The following CNOT1 variants were observed in gnomAD, a reference collection of about 807,000 sequenced individuals.
CNOT1 encodes CCR4-associated factor 1.
In CNOT1, 15 loss-of-function variants were observed where a neutral mutation model predicts 273.8. The observed-to-expected ratio is 0.05, with a 90% CI of 0.04 to 0.08. CNOT1 has a LOEUF of 0.08. Among genes scored for constraint, CNOT1 ranks in the 10% least tolerant of loss-of-function variants. The pLI, the probability that CNOT1 is intolerant of heterozygous loss-of-function variation, is 1.00. For missense variants in CNOT1, 1,644 were observed against 2,912.2 expected (o/e 0.56, Z 10.02); for synonymous variants, 1,022 against 1,005.5 (o/e 1.02, Z -0.31).
intron 1 of CNOT1, among the ~76,000 whole-genome samples, chr16:58,605,218 T>C (rs2152021296): frequency 6.6e-6 from 1 of 150,682 alleles, no homozygotes; most frequent in East Asian, 2.0e-4. Context: ...TAAAAACACA[T>C]ATTGCTGGGC....
In CNOT1 at chr16:58,526,438, G is replaced by A. The variant is rs118142263; in HGVS notation, c.6454-300C>T. 4.0e-3 allele frequency among the ~76,000 whole-genome samples: 588 copies of A among 145,766 alleles called. 7 individuals are homozygous for A. Among genetic ancestry groups the A allele is most frequent in the East Asian group, 0.012 (59 of 5,046 alleles). ...GACTTCGGTTTCAAAATAATAATCC[G>A]GAATAAGATTCCTCACTCACCAAGA... On this transcript the variant is annotated intron_variant, in intron 44 of 48. Coordinates refer to ENST00000317147, the MANE Select transcript of CNOT1 (RefSeq NM_016284.5).
intron 29 of CNOT1, among the ~76,000 whole-genome samples, 199 bp from the exon 30 acceptor site, chr16:58,545,690 T>TA (rs1315403298): frequency 6.6e-6 from 1 of 152,196 alleles, no homozygotes; most frequent in Non-Finnish European, 1.5e-5. Flanking sequence ...CGAAGTATGT[T>TA]AAACTATGTC....
At chr16:58,566,635 G>C (rs1165664292) in intron 16 of CNOT1, among the ~76,000 whole-genome samples, 1 of 152,160 alleles carries the variant, frequency 6.6e-6, no homozygotes, top group Non-Finnish European at 1.5e-5. Context: ...GCAGTCTTGT[G>C]CACTGTGGAA....
intron 3 of CNOT1, among the ~76,000 whole-genome samples, chr16:58,588,180 T>C (rs898970887): frequency 6.6e-6 from 1 of 152,002 alleles, no homozygotes; most frequent in African/African-American, 2.4e-5. Context: ...ATGCCTATAA[T>C]CTCAGCTACT....
chr16:58,522,206 C>A lies in CNOT1; in HGVS notation c.6918-889G>T, dbSNP rs1486787660. Among the ~76,000 whole-genome samples, 50 of 124,792 alleles carry A rather than the reference C, an allele frequency of 4.0e-4. No homozygotes were observed. In the Admixed American group the frequency reaches 4.6e-3, roughly 12 times the overall value. 81.9% of individuals were successfully genotyped at this position (124,792 alleles called of 152,430 possible). ...TGGTGGCAGGTGCCTGTAATCCCAG[C>A]TACTCAGGAGGCGACAAAGCGAGAC... On this transcript the variant is annotated intron_variant, in intron 47 of 48. Coordinates refer to ENST00000317147, the MANE Select transcript of CNOT1 (RefSeq NM_016284.5).
chr16:58,609,753 TG>T (rs1430026933), intron 1 of CNOT1, among the ~76,000 whole-genome samples: 2 of 152,060 alleles, frequency 1.3e-5, no homozygotes, highest in Non-Finnish European at 2.9e-5. Context: ...ATGAACTATG[TG>T]GCCAGAAAAC....
At chr16:58,625,431 G>C (rs2043526025) in intron 1 of CNOT1, among the ~76,000 whole-genome samples, 1 of 152,120 alleles carries the variant, frequency 6.6e-6, no homozygotes, top group Admixed American at 6.6e-5. Flanking sequence ...AGAATCACTT[G>C]AACCCAGGAG....
At position 58,617,462 on chromosome 16, in the gene CNOT1, C is replaced by T. The variant is rs189515683; in HGVS notation, c.-175+12266G>A. Among the ~76,000 whole-genome samples, 5 of 152,156 alleles carry T rather than the reference C, an allele frequency of 3.3e-5. No homozygotes were observed. In the East Asian group the frequency reaches 9.7e-4, roughly 29 times the overall value. On this transcript the variant is annotated intron_variant, in intron 1 of 48. Coordinates refer to ENST00000317147, the MANE Select transcript of CNOT1 (RefSeq NM_016284.5). The stretch of plus-strand genomic sequence containing the variant: ...TTGAAAATCCAAAGTTCGAAAGACT[C>T]CAAAATCCAAAATGTTTTGAGCACA...
intron 2 of CNOT1, among the ~76,000 whole-genome samples, chr16:58,589,551 T>G (rs1031429983): frequency 7.2e-5 from 11 of 152,172 alleles, no homozygotes; most frequent in African/African-American, 2.2e-4. Context: ...AGTCAGTCAC[T>G]GGCAGGAAGA....
At chr16:58,524,158 G>A (rs2039500246) in intron 46 of CNOT1, among the ~76,000 whole-genome samples, 1 of 150,022 alleles carries the variant, frequency 6.7e-6, no homozygotes, top group Non-Finnish European at 1.5e-5. Flanking sequence ...GCTGAGGCAG[G>A]AGAATCGCTT....
intron 1 of CNOT1, among the ~76,000 whole-genome samples, chr16:58,600,748 T>C (rs956493056): frequency 1.3e-5 from 2 of 152,166 alleles, no homozygotes; most frequent in Non-Finnish European, 2.9e-5. Context: ...AATGACAGGA[T>C]TATTATCAGT....
intron 1 of CNOT1, among the ~76,000 whole-genome samples, chr16:58,601,611 T>G (rs2042465645): frequency 2.0e-5 from 3 of 151,978 alleles, no homozygotes; most frequent in African/African-American, 7.2e-5. Flanking sequence ...TTTCTTAATG[T>G]ATAAAGGTTA....
chr16:58,539,474 C>CAG lies in CNOT1; in HGVS notation c.4992+293_4992+294insCT, dbSNP rs2040014009. Among the ~76,000 whole-genome samples, 4 of 146,784 alleles carry CAG rather than the reference C, an allele frequency of 2.7e-5. No homozygotes were observed. In the South Asian group the frequency reaches 1.1e-3, roughly 39 times the overall value. ...AGAGAGACCCTGTCTCTTACACACA[C>CAG]ACACACACACACACACACAGACACA... is the stretch of plus-strand genomic sequence containing the variant. On this transcript the variant is annotated intron_variant, in intron 35 of 48. Coordinates refer to ENST00000317147, the MANE Select transcript of CNOT1 (RefSeq NM_016284.5).
At chr16:58,533,413 G>A (rs1276864767) in intron 40 of CNOT1, among the ~76,000 whole-genome samples, 1 of 152,130 alleles carries the variant, frequency 6.6e-6, no homozygotes, top group African/African-American at 2.4e-5. Context: ...GAGGCAGGCG[G>A]ATCACAAGGT....
intron 18 of CNOT1, 112 bp from the exon 19 acceptor site, chr16:58,557,105 T>G: frequency 7.4e-7 from 1 of 1,359,150 alleles, no homozygotes. Context: ...ATAGTAACTC[T>G]TACTTTAAAA....
At chr16:58,627,111 A>G (rs1269534987) in intron 1 of CNOT1, among the ~76,000 whole-genome samples, 1 of 152,110 alleles carries the variant, frequency 6.6e-6, no homozygotes, top group Non-Finnish European at 1.5e-5. Flanking sequence ...CAAACTGGTT[A>G]AAAAGAAAGC....
intron 12 of CNOT1, 104 bp from the exon 13 acceptor site, chr16:58,579,043 G>A: frequency 6.7e-7 from 1 of 1,486,348 alleles, no homozygotes; most frequent in Non-Finnish European, 8.9e-7. Context: ...CCAAGTTGGT[G>A]TCATGTTTTA....
intron 1 of CNOT1, among the ~76,000 whole-genome samples, chr16:58,606,569 G>A (rs538476358): frequency 1.4e-4 from 22 of 152,236 alleles, no homozygotes; most frequent in African/African-American, 4.1e-4. Context: ...TTAGGAGGCC[G>A]AGACGGGAGG....
intron 1 of CNOT1, among the ~76,000 whole-genome samples, chr16:58,615,241 T>A (rs2152039473): frequency 8.0e-6 from 1 of 125,058 alleles, no homozygotes; most frequent in African/African-American, 2.7e-5. Flanking sequence ...GCTACTTTGA[T>A]TGGTTTGGGT....
Sources: allele counts gnomAD v4.1 joint callset (sites outside exome capture counted in the v4.1 genomes callset), GRCh38; gene constraint gnomAD v4.1.1; transcripts MANE v1.5; gene names NCBI Gene and HGNC (gene_info 2026-07-23, HGNC 2026-07-21).